COG6: variants seen among roughly 807,000 people sequenced by gnomAD.
The protein encoded by COG6 is conserved oligomeric Golgi complex subunit 6.
COG6 carries 74 observed loss-of-function variants against 88.8 expected under a neutral mutation model. The observed-to-expected ratio is 0.83, with a 90% confidence interval of 0.69 to 1.01. COG6 has a LOEUF of 1.01. COG6 is among the 50% of genes least tolerant of loss of function. The pLI, the probability that COG6 is intolerant of heterozygous loss-of-function variation, is 0.00. For synonymous variants in COG6, 286 were observed against 278.7 expected, an observed-to-expected ratio of 1.03 and a Z score of -0.26; for missense variants, 800 against 797.9, an observed-to-expected ratio of 1.00 and a Z score of -0.03.
chr13:39,677,205 G>A (rs968390717), intron 4 of COG6, among the ~76,000 whole-genome samples: 40 of 152,226 alleles, frequency 2.6e-4, no homozygotes, highest in Middle Eastern at 3.4e-3. Flanking sequence ...CAGGGACCAT[G>A]CATGGACTTA....
In COG6 at chr13:39,684,924, C is replaced by G. The variant is rs117351737; in HGVS notation, c.789-2579C>G. Among the ~76,000 whole-genome samples, 1,386 of 152,166 alleles carry G rather than the reference C, an allele frequency of 9.1e-3. 9 individuals are homozygous for G. The highest frequency in any genetic ancestry group is 0.014 in the Non-Finnish European group (956 of 67,998). ...GCATTATTGACTTTTAATAATAAATCATGTACAATTATAAATGAAGTGAAA... is the reference window on the plus strand; with the variant it reads ...GCATTATTGACTTTTAATAATAAATGATGTACAATTATAAATGAAGTGAAA... On this transcript the variant is annotated intron_variant, in intron 8 of 18. Coordinates refer to ENST00000455146, the MANE Select transcript of COG6 (RefSeq NM_020751.3).
intron 7 of COG6, among the ~76,000 whole-genome samples, chr13:39,680,775 C>T (rs1349979995): frequency 6.6e-6 from 1 of 152,150 alleles, no homozygotes; most frequent in African/African-American, 2.4e-5. Flanking sequence ...AATGTCAGGT[C>T]ATTTTCTCAT....
rs34566895 is a variant in COG6 at position 39,724,501 on chromosome 13, T to A, written c.1693-7T>A. 8.1e-4 allele frequency: 1,015 copies of A among 1,253,756 alleles called. 2 individuals carry two copies. The highest frequency in any genetic ancestry group is 1.1e-3 in the Middle Eastern group (4 of 3,546). The allele number at this position is 1,253,756 out of a possible 1,614,324, so 77.7% of individuals were successfully genotyped here. A position where few individuals can be genotyped will look rare whatever the true frequency, so the allele number is the denominator to read the frequency against. ...GGATCTGCTTTTTTTTTTTTTTTTT[T>A]AAATAGGGCTCTTTAGCTAATATGC... is the stretch of plus-strand genomic sequence containing the variant. On this transcript the variant is annotated splice_polypyrimidine_tract_variant and splice_region_variant and intron_variant, in intron 16 of 18. Transcript: ENST00000455146.
chr13:39,786,230 G>C (rs1881768792), intron 18 of COG6, among the ~76,000 whole-genome samples: 1 of 152,176 alleles, frequency 6.6e-6, no homozygotes, highest in South Asian at 2.1e-4. Flanking sequence ...CAGGCTAAAG[G>C]GAGAAATTTC....
chr13:39,656,252 C>G (rs1874487295), intron 1 of COG6: 1 of 469,650 alleles, frequency 2.1e-6, no homozygotes. Flanking sequence ...GAAACAGATG[C>G]AAAAGAGCAG....
intron 18 of COG6, among the ~76,000 whole-genome samples, chr13:39,739,341 G>A (rs1158157281): frequency 6.6e-6 from 1 of 151,794 alleles, no homozygotes; most frequent in Non-Finnish European, 1.5e-5. Context: ...AAAGCAAACC[G>A]CAGTTCACCT....
chr13:39,777,892 T>C (rs933174534), intron 18 of COG6, among the ~76,000 whole-genome samples: 3 of 152,222 alleles, frequency 2.0e-5, no homozygotes, highest in African/African-American at 7.2e-5. Context: ...AAGACTAATG[T>C]GCTCCTAACT....
intron 18 of COG6, among the ~76,000 whole-genome samples, chr13:39,774,411 CTT>C (rs562952050): frequency 1.4e-3 from 218 of 152,164 alleles, no homozygotes; most frequent in African/African-American, 4.7e-3. Context: ...CTCAAAAACT[CTT>C]TGGTGGTGTT....
chr13:39,733,927 G>T (rs910356132), intron 18 of COG6, among the ~76,000 whole-genome samples: 1 of 152,088 alleles, frequency 6.6e-6, no homozygotes, highest in African/African-American at 2.4e-5. Flanking sequence ...GCTCATAGTA[G>T]CCTATAATGA....
chr13:39,656,953 A>C (rs1244557094), intron 1 of COG6: 1 of 449,250 alleles, frequency 2.2e-6, no homozygotes, highest in African/African-American at 2.0e-5. Context: ...TTTTATCATA[A>C]AATTTATGAA....
At chr13:39,699,748 C>G (rs966943170) in intron 13 of COG6, 130 bp downstream of exon 13, 1 of 636,208 alleles carries the variant, frequency 1.6e-6, no homozygotes, top group Non-Finnish European at 2.9e-6. Context: ...CTGTCACCAA[C>G]AACTTTCATT....
intron 5 of COG6, chr13:39,679,306 C>T (rs1448755316): frequency 2.0e-6 from 1 of 502,878 alleles, no homozygotes; most frequent in Non-Finnish European, 3.6e-6. Context: ...TGGCAACTGT[C>T]AACACTATTT....
At chr13:39,713,162 T>C (rs533873601) in intron 13 of COG6, among the ~76,000 whole-genome samples, 14 of 152,274 alleles carry the variant, frequency 9.2e-5, no homozygotes, top group South Asian at 6.2e-4. Context: ...TCCAAGGAAG[T>C]GGAGTGTGAA....
At chr13:39,730,235 G>T (rs994204619) in intron 18 of COG6, among the ~76,000 whole-genome samples, 1 of 151,708 alleles carries the variant, frequency 6.6e-6, no homozygotes, top group African/African-American at 2.4e-5. Context: ...ATTGAGATAT[G>T]CATATTATTT....
At chr13:39,788,199 A>G in intron 18 of COG6, 1 of 887,106 alleles carries the variant, frequency 1.1e-6, no homozygotes, top group East Asian at 2.6e-5. Flanking sequence ...GTACTCCACC[A>G]CATGGTAATC....
rs187273668 is a variant in COG6 at position 39,671,699 on chromosome 13, G to A, written c.429-5769G>A. ...ACATGTTCCTTGAGAATGTATATATGTATGTACCTATATATGTTTCAAAGA... is the reference window on the plus strand; with the variant it reads ...ACATGTTCCTTGAGAATGTATATATATATGTACCTATATATGTTTCAAAGA... On this transcript the variant is annotated intron_variant, in intron 4 of 18. Coordinates refer to ENST00000455146, the MANE Select transcript of COG6 (RefSeq NM_020751.3). Among the ~76,000 whole-genome samples, 4 of 151,940 alleles carry A rather than the reference G, an allele frequency of 2.6e-5. No individual in the cohort carries two copies. In the East Asian group the frequency reaches 5.8e-4, roughly 22 times the overall value.
At chr13:39,758,589 A>G (rs150267897) in intron 18 of COG6, among the ~76,000 whole-genome samples, 1,970 of 152,290 alleles carry the variant, frequency 0.013, 53 homozygotes, top group African/African-American at 0.045. Context: ...TAATTTTAGA[A>G]GCTGGTATGA....
intron 11 of COG6, among the ~76,000 whole-genome samples, chr13:39,691,837 T>G (rs1383354497): frequency 6.6e-6 from 1 of 152,024 alleles, no homozygotes; most frequent in Non-Finnish European, 1.5e-5. Flanking sequence ...CATACAAAAT[T>G]TCTTCTTCCT....
In COG6 at chr13:39,655,772, G is replaced by A; in HGVS notation, c.46G>A (p.Ala16Thr). 2 of 1,594,300 alleles carry A rather than the reference G, an allele frequency of 1.3e-6. No homozygotes were observed. The highest frequency in any genetic ancestry group is 1.7e-6 in the Non-Finnish European group (2 of 1,170,670). ...GEVVAVSATG[A>T]ANGLNNGAGG... is the part of the protein sequence containing the mutation. ...AGTGGTCGCAGTGTCTGCGACCGGG[G>A]CTGCCAACGGCCTCAACAATGGGGC... is the stretch of plus-strand genomic sequence containing the variant. The change falls in exon 1 of 19, where the codon GCT (alanine) becomes ACT (threonine). Residue 16 changes from alanine to threonine, a missense_variant. By Grantham distance (58) the Ala-to-Thr change is moderately conservative (BLOSUM62 0). Coordinates refer to ENST00000455146, the MANE Select transcript of COG6 (RefSeq NM_020751.3).
Sources: gnomAD v4.1 joint callset for allele counts (sites outside exome capture counted in the v4.1 genomes callset) on GRCh38, gnomAD v4.1.1 for gene constraint, MANE v1.5 for transcripts, NCBI Gene and HGNC (gene_info 2026-07-23, HGNC 2026-07-21) for gene names.